The following WBP2NL variants were observed in gnomAD, a reference collection of about 807,000 sequenced individuals.
WBP2NL encodes WBP2 N-terminal like.
In WBP2NL, 27 loss-of-function variants were observed where a neutral mutation model predicts 23.3. The ratio of observed to expected loss-of-function variants is 1.16; its 90% CI spans 0.85 to 1.60. The LOEUF (loss-of-function observed/expected upper bound fraction) is 1.60, where lower values mean the gene tolerates loss of function less well. WBP2NL is among the 40% of genes most tolerant of loss of function. The pLI, the probability that WBP2NL is intolerant of heterozygous loss-of-function variation, is 0.00. For missense variants in WBP2NL, 370 were observed against 389.5 expected (o/e 0.95, Z 0.42); for synonymous variants, 151 against 145.9 (o/e 1.03, Z -0.25).
At chr22:42,055,613 C>T (rs904636129) in intron 8 of WBP2NL, among the ~76,000 whole-genome samples, 19 of 152,122 alleles carry the variant, frequency 1.2e-4, no homozygotes, top group Non-Finnish European at 1.3e-4. Context: ...TCTGTTAGGT[C>T]TAATTGGTTT....
chr22:42,029,458 A>G (rs1924789180), downstream of WBP2NL, among the ~76,000 whole-genome samples: 1 of 151,862 alleles, frequency 6.6e-6, no homozygotes, highest in Admixed American at 6.6e-5. Context: ...TGCAACCTCC[A>G]CCTCCCAGGT....
intron 8 of WBP2NL, among the ~76,000 whole-genome samples, chr22:42,038,546 T>A (rs62238562): frequency 6.6e-6 from 1 of 152,208 alleles, no homozygotes; most frequent in Non-Finnish European, 1.5e-5. Context: ...CCTAGTGTTC[T>A]TTGAATATTT....
chr22:42,001,710 G>A (rs1921709670), intron 1 of WBP2NL: 2 of 1,218,928 alleles, frequency 1.6e-6, no homozygotes, highest in Non-Finnish European at 2.4e-6. Flanking sequence ...GTGAAGTTAA[G>A]AGCCTGGGTG....
At chr22:42,026,669 G>T in intron 5 of WBP2NL, 97 bp from the exon 6 acceptor site, 1 of 1,521,722 alleles carries the variant, frequency 6.6e-7, no homozygotes, top group South Asian at 1.3e-5. Flanking sequence ...CTCTTCTTGC[G>T]TCAGTTTGCT....
chr22:42,051,716 T>C (rs1925844012), intron 8 of WBP2NL, among the ~76,000 whole-genome samples: 1 of 152,114 alleles, frequency 6.6e-6, no homozygotes, highest in Admixed American at 6.6e-5. Flanking sequence ...AGGGAGAGAC[T>C]GATTTCCCAC....
At chr22:42,017,871 G>A (rs889311270) in intron 1 of WBP2NL, among the ~76,000 whole-genome samples, 15 of 151,968 alleles carry the variant, frequency 9.9e-5, no homozygotes, top group African/African-American at 3.1e-4. Flanking sequence ...AAAATTGGCC[G>A]GGTGCAGTGG....
At chr22:42,031,850 C>G (rs1924969261), downstream of WBP2NL, 1 of 152,150 alleles carries the variant, frequency 6.6e-6, no homozygotes, top group Non-Finnish European at 1.5e-5. Context: ...TGCCTGCCAC[C>G]ATGCTCGGCT....
At chr22:42,031,434 C>T (rs1374418804), downstream of WBP2NL, 3 of 152,208 alleles carry the variant, frequency 2.0e-5, no homozygotes, top group Non-Finnish European at 4.4e-5. Context: ...GTGGATTCCG[C>T]TCTTCCTGTC....
chr22:42,027,294 G>A lies in WBP2NL; in HGVS notation c.*113G>A. On this transcript the variant is annotated 3_prime_UTR_variant, in exon 6 of 6. Transcript: ENST00000328823. The stretch of plus-strand genomic sequence containing the variant: ...GATCACAGGCTTCTCGCAGGTAGTT[G>A]TTCCACCCTTTGGAAGGGCAATCTT... 7.3e-7 allele frequency: 1 copy of A among 1,371,958 alleles called. No homozygotes were observed. Among genetic ancestry groups the A allele is most frequent in the Non-Finnish European group, 9.7e-7 (1 of 1,034,052 alleles). 85.0% of individuals were successfully genotyped at this position (1,371,958 alleles called of 1,614,324 possible). A position where few individuals can be genotyped will look rare whatever the true frequency, so the allele number is the denominator to read the frequency against.
chr22:42,039,908 G>GA (rs1925335408), intron 8 of WBP2NL, among the ~76,000 whole-genome samples: 1 of 135,654 alleles, frequency 7.4e-6, no homozygotes, highest in Non-Finnish European at 1.6e-5. Context: ...GTACAGTTAG[G>GA]TTTTTTTTTT....
At chr22:42,014,847 T>C (rs1307487229) in intron 1 of WBP2NL, among the ~76,000 whole-genome samples, 1 of 152,238 alleles carries the variant, frequency 6.6e-6, no homozygotes, top group Non-Finnish European at 1.5e-5. Flanking sequence ...ATTCTCTACT[T>C]CCTGAGACTT....
chr22:42,047,518 C>G (rs112935734), intron 8 of WBP2NL, among the ~76,000 whole-genome samples: 7,645 of 149,924 alleles, frequency 0.051, 677 homozygotes, highest in African/African-American at 0.18. Context: ...TGAACCTGGG[C>G]GGCGGAGGTT....
chr22:42,039,413 A>T (rs1277203149), intron 8 of WBP2NL, among the ~76,000 whole-genome samples: 1 of 147,846 alleles, frequency 6.8e-6, no homozygotes, highest in East Asian at 2.0e-4. Context: ...GGCTGGTCTC[A>T]AACTCTAGAG....
intron 8 of WBP2NL, among the ~76,000 whole-genome samples, chr22:42,051,387 A>T (rs1925833183): frequency 6.6e-6 from 1 of 152,196 alleles, no homozygotes; most frequent in South Asian, 2.1e-4. Context: ...AAGGATTTTT[A>T]GGGCAGTGAA....
intron 1 of WBP2NL, among the ~76,000 whole-genome samples, chr22:42,018,421 CAAAAG>C (rs138026034): frequency 0.027 from 3,422 of 126,036 alleles, 126 homozygotes; most frequent in African/African-American, 0.096. Flanking sequence ...GAAGGAAAGT[CAAAAG>C]GAAAGGAAAG....
chr22:42,004,442 A>G (rs1003252160), intron 1 of WBP2NL, among the ~76,000 whole-genome samples: 2 of 152,032 alleles, frequency 1.3e-5, no homozygotes, highest in African/African-American at 4.8e-5. Flanking sequence ...AAAAATACAA[A>G]AAATAGTTGG....
At chr22:42,034,538 T>C (rs1181999702), downstream of WBP2NL, among the ~76,000 whole-genome samples, 1 of 152,196 alleles carries the variant, frequency 6.6e-6, no homozygotes. Flanking sequence ...CTAATGAAGT[T>C]TCAGGCACCA....
At chr22:42,000,409 T>G (rs1161097908) in intron 1 of WBP2NL, among the ~76,000 whole-genome samples, 1 of 152,204 alleles carries the variant, frequency 6.6e-6, no homozygotes, top group African/African-American at 2.4e-5. Context: ...TTCCATGGTG[T>G]GAAGCCTTTC....
In WBP2NL at chr22:42,049,695, CAAAACAAAACAAAAAAA is replaced by C. The variant is rs1421532880; in HGVS notation, c.*274-8590_*274-8574del. On this transcript the variant is annotated intron_variant and NMD_transcript_variant, in intron 8 of 8. Coordinates refer to the WBP2NL transcript ENST00000436265. ...ACAGAGCGAGACTCCGTCTCCAAAA[CAAAACAAAACAAAAAAA>C]AAAAAAAAAAAAAAAAAAATAGAAC... 9.3e-3 allele frequency among the ~76,000 whole-genome samples: 213 copies of C among 22,848 alleles called. 1 individual carries two copies. Among genetic ancestry groups the C allele is most frequent in the African/African-American group, 0.041 (189 of 4,560 alleles). 15.0% of individuals were successfully genotyped at this position (22,848 alleles called of 152,430 possible). A position where few individuals can be genotyped will look rare whatever the true frequency, so the allele number is the denominator to read the frequency against.
Sources: allele counts gnomAD v4.1 joint callset (sites outside exome capture counted in the v4.1 genomes callset), GRCh38; gene constraint gnomAD v4.1.1; transcripts MANE v1.5; gene names NCBI Gene and HGNC (gene_info 2026-07-23, HGNC 2026-07-21).